The following ZFYVE27 variants were observed in gnomAD, a reference collection of about 807,000 sequenced individuals.
ZFYVE27 encodes the protein protrudin.
ZFYVE27 carries 36 observed loss-of-function variants against 52.8 expected under a neutral mutation model. That is an observed-to-expected ratio of 0.68 (90% confidence interval 0.52 to 0.90). The LOEUF (loss-of-function observed/expected upper bound fraction) is 0.90. ZFYVE27 is among the 40% of genes least tolerant of loss of function. The pLI is 0.00. For missense variants in ZFYVE27, 450 were observed against 527.2 expected (o/e 0.85, Z 1.43); for synonymous variants, 223 against 215.6 (o/e 1.03, Z -0.30).
intron 2 of ZFYVE27, among the ~76,000 whole-genome samples, chr10:97,741,785 G>A (rs1356216222): frequency 6.6e-6 from 1 of 152,116 alleles, no homozygotes; most frequent in Non-Finnish European, 1.5e-5. Context: ...TAAAAGCCCT[G>A]CATGAATTAG....
chr10:97,759,506 TC>T lies in ZFYVE27; in HGVS notation c.*209del. ...AGTGGCTGGCAATGGCTGCTCTCAATCCCTTGAGGGAGAAGAGCCCCTGGAG... is the reference window on the plus strand; with the variant it reads ...AGTGGCTGGCAATGGCTGCTCTCAATCCTTGAGGGAGAAGAGCCCCTGGAG... On this transcript the variant is annotated 3_prime_UTR_variant, in exon 13 of 13. Coordinates refer to ENST00000684270, the MANE Select transcript of ZFYVE27 (RefSeq NM_001385875.1). 6.2e-6 allele frequency: 4 copies of T among 648,852 alleles called. No individual in the cohort carries two copies. The highest frequency in any genetic ancestry group is 1.1e-5 in the Non-Finnish European group (4 of 357,304). 40.2% of individuals were successfully genotyped at this position (648,852 alleles called of 1,614,324 possible).
chr10:97,743,092 A>G lies in ZFYVE27; in HGVS notation c.198-2A>G. 1.2e-6 allele frequency: 2 copies of G among 1,614,170 alleles called. No homozygotes were observed. Among genetic ancestry groups the G allele is most frequent in the Non-Finnish European group, 8.5e-7 (1 of 1,180,024 alleles). On this transcript the variant is annotated splice_acceptor_variant, in intron 2 of 12. Coordinates refer to ENST00000684270, the MANE Select transcript of ZFYVE27 (RefSeq NM_001385875.1). LOFTEE classifies it high-confidence loss of function. ...TAGTGATCAGGACTCTCTGTATTGT[A>G]GGTGGCAGATGCCTTTGTGTTCCTT... is the stretch of plus-strand genomic sequence containing the variant.
intron 4 of ZFYVE27, among the ~76,000 whole-genome samples, chr10:97,747,798 G>A (rs1056685006): frequency 1.3e-5 from 2 of 152,062 alleles, no homozygotes; most frequent in African/African-American, 4.8e-5. Flanking sequence ...CCAGATCTGG[G>A]TTCAGATTGT....
rs1026190061 is a variant in ZFYVE27 at position 97,759,374 on chromosome 10, G to A, written c.*74G>A. The A allele has an allele frequency of 2.0e-6, 3 of 1,524,132 alleles. No homozygotes were observed. The highest frequency in any genetic ancestry group is 2.7e-5 in the African/African-American group (2 of 73,156). 94.4% of individuals were successfully genotyped at this position (1,524,132 alleles called of 1,614,324 possible). A position where few individuals can be genotyped will look rare whatever the true frequency, so the allele number is the denominator to read the frequency against. ...AGACCCCCCACTCTCCCCACCCCTG[G>A]CCCACTGTGGTGTGTGCTGGGCAAA... On this transcript the variant is annotated 3_prime_UTR_variant, in exon 13 of 13. Coordinates refer to ENST00000684270, the MANE Select transcript of ZFYVE27 (RefSeq NM_001385875.1).
Position 97,760,372 on chromosome 10 carries a change from T to TA in ZFYVE27, c.*1073dup, listed in dbSNP as rs2049298419. 6.6e-6 allele frequency: 1 copy of TA among 152,278 alleles called. No homozygotes were observed. Among genetic ancestry groups the TA allele is most frequent in the Non-Finnish European group, 1.5e-5 (1 of 68,082 alleles). 9.4% of individuals were successfully genotyped at this position (152,278 alleles called of 1,614,324 possible). On this transcript the variant is annotated 3_prime_UTR_variant, in exon 13 of 13. Transcript: ENST00000684270. ...AGTTTCATGTTCACTACTGGACTCTTACGGGCTCAGTATCTCTCCCTTAGC... is the reference window on the plus strand; with the variant it reads ...AGTTTCATGTTCACTACTGGACTCTTAACGGGCTCAGTATCTCTCCCTTAGC...
chr10:97,752,345 G>C (rs2047210103), intron 8 of ZFYVE27, among the ~76,000 whole-genome samples: 1 of 152,182 alleles, frequency 6.6e-6, no homozygotes, highest in African/African-American at 2.4e-5. Flanking sequence ...CATCAGCCCA[G>C]GCCATGCAGG....
At chr10:97,743,276 T>G (rs770847918) in intron 3 of ZFYVE27, 112 bp downstream of exon 3, 2 of 1,232,446 alleles carry the variant, frequency 1.6e-6, no homozygotes, top group Non-Finnish European at 2.4e-6. Flanking sequence ...CTGGAGTTAG[T>G]GTTCCTCTGT....
Position 97,759,355 on chromosome 10 carries a change from C to A in ZFYVE27, c.*55C>A. 6.3e-7 allele frequency: 1 copy of A among 1,581,008 alleles called. No individual in the cohort carries two copies. The highest frequency in any genetic ancestry group is 1.1e-5 in the South Asian group (1 of 90,258). On this transcript the variant is annotated 3_prime_UTR_variant, in exon 13 of 13. Transcript: ENST00000684270. The stretch of plus-strand genomic sequence containing the variant: ...CGTCCTTGGGACCAGCAGTAGACCC[C>A]CCACTCTCCCCACCCCTGGCCCACT...
rs143515214 is a variant in ZFYVE27 at position 97,748,335 on chromosome 10, G to A, written c.522G>A (p.Leu174=). 910 of 1,614,146 alleles carry A rather than the reference G, an allele frequency of 5.6e-4. 1 individual carries two copies. The highest frequency in any genetic ancestry group is 7.1e-4 in the Non-Finnish European group (840 of 1,180,042). ...CCTCEAAYRV[L]HWENPVVSSQ... Reference sequence around the variant, plus strand: ...CATGTGAAGCCGCCTACCGCGTGCTGCACTGGGAGAACCCCGTCGTGTCCT... The same window carrying A: ...CATGTGAAGCCGCCTACCGCGTGCTACACTGGGAGAACCCCGTCGTGTCCT... The change falls in exon 5 of 13, where the codon CTG becomes CTA. Residue 174 remains leucine (L), a synonymous_variant. Transcript: ENST00000684270.
At position 97,746,618 on chromosome 10, in the gene ZFYVE27, C is replaced by A. The variant is rs1055496213; in HGVS notation, c.456-1651C>A. Among the ~76,000 whole-genome samples the A allele has an allele frequency of 5.9e-5, 9 of 151,928 alleles. No homozygotes were observed. The East Asian group carries it at 1.7e-3, about 29-fold the overall frequency. ...TAACGTTGATAACTAATGTATAATT[C>A]GTAATCGGATTTTACCAGTTGTATT... On this transcript the variant is annotated intron_variant, in intron 4 of 12. Transcript: ENST00000684270.
At chr10:97,740,937 G>A (rs908197025) in intron 2 of ZFYVE27, among the ~76,000 whole-genome samples, 1 of 152,118 alleles carries the variant, frequency 6.6e-6, no homozygotes, top group Non-Finnish European at 1.5e-5. Flanking sequence ...TTATAGAAGG[G>A]AAGAGGCTTT....
chr10:97,750,507 G>C (rs780970414), intron 7 of ZFYVE27, 37 bp downstream of exon 7: 1 of 1,612,164 alleles, frequency 6.2e-7, no homozygotes, highest in Non-Finnish European at 8.5e-7. Flanking sequence ...TGCTGTGGCC[G>C]CTTGTGGGCC....
chr10:97,744,735 G>A lies in ZFYVE27; in HGVS notation c.275G>A (p.Trp92Ter), dbSNP rs1188335986. 6.2e-7 allele frequency: 1 copy of A among 1,613,614 alleles called. No homozygotes were observed. The highest frequency in any genetic ancestry group is 1.7e-5 in the Admixed American group (1 of 60,034). Residue 92 changes from tryptophan (W) to a stop codon, truncating the protein, a stop_gained, in exon 4 of 13, where the codon TGG becomes TAG. Coordinates refer to ENST00000684270, the MANE Select transcript of ZFYVE27 (RefSeq NM_001385875.1). LOFTEE classifies it high-confidence loss of function. ...VLFLTLNEGA[W>*]YSVGALMISV... ...AGTGTTTTTGATTCTGCAGGTGCAT[G>A]GTACTCAGTAGGTGCCCTGATGATT...
chr10:97,741,087 A>G (rs959809958), intron 2 of ZFYVE27, among the ~76,000 whole-genome samples: 5 of 152,222 alleles, frequency 3.3e-5, no homozygotes, highest in African/African-American at 9.6e-5. Context: ...GAATTTCAGG[A>G]GAAAGACACA....
chr10:97,744,754 G>C lies in ZFYVE27; in HGVS notation c.294G>C (p.Leu98=), dbSNP rs1466347046. 2 of 1,613,816 alleles carry C rather than the reference G, an allele frequency of 1.2e-6. No homozygotes were observed. The highest frequency in any genetic ancestry group is 2.7e-5 in the African/African-American group (2 of 74,946). ...NEGAWYSVGA[L]MISVPALLGY... The stretch of plus-strand genomic sequence containing the variant: ...GTGCATGGTACTCAGTAGGTGCCCT[G>C]ATGATTTCAGTGCCCGCCCTGCTGG... The change falls in exon 4 of 13, where the codon CTG becomes CTC. Residue 98 remains leucine (L), a synonymous_variant. Transcript: ENST00000684270.
chr10:97,749,443 T>C, intron 5 of ZFYVE27, 31 bp from the exon 6 acceptor site: 1 of 1,573,316 alleles, frequency 6.4e-7, no homozygotes. Context: ...GTTACGAATT[T>C]CTGATCTTGT....
chr10:97,746,713 G>A (rs958465031), intron 4 of ZFYVE27, among the ~76,000 whole-genome samples: 4 of 147,486 alleles, frequency 2.7e-5, no homozygotes, highest in African/African-American at 1.0e-4. Context: ...TTTTTGAGAC[G>A]GAGTTTTGCT....
chr10:97,745,034 C>A (rs1286639335), intron 4 of ZFYVE27, 119 bp downstream of exon 4: 10 of 1,198,044 alleles, frequency 8.3e-6, no homozygotes, highest in Non-Finnish European at 1.1e-5. Flanking sequence ...CTTCATTTAA[C>A]CTTTTTAACA....
At chr10:97,756,678 G>A (rs1028064261) in intron 10 of ZFYVE27, among the ~76,000 whole-genome samples, 1 of 152,130 alleles carries the variant, frequency 6.6e-6, no homozygotes, top group Non-Finnish European at 1.5e-5. Context: ...CCTGCTCTGC[G>A]TCCCCCCATG....
Sources: allele counts gnomAD v4.1 joint callset (sites outside exome capture counted in the v4.1 genomes callset), GRCh38; gene constraint gnomAD v4.1.1; transcripts MANE v1.5; gene names NCBI Gene and HGNC (gene_info 2026-07-23, HGNC 2026-07-21).